Variants in KLRG1 observed in about 807,000 individuals in gnomAD.
KLRG1 encodes killer cell lectin like receptor G1, also known as killer cell lectin-like receptor subfamily G member 1.
KLRG1 carries 16 observed loss-of-function variants against 21.8 expected under a neutral mutation model. The ratio of observed to expected loss-of-function variants is 0.73; its 90% CI spans 0.50 to 1.11. The LOEUF is 1.11. KLRG1 is among the 50% of genes most tolerant of loss of function. The pLI is 0.00. For synonymous variants in KLRG1, 69 were observed against 75.9 expected, an observed-to-expected ratio of 0.91 and a Z score of 0.47; for missense variants, 173 against 218.3, an observed-to-expected ratio of 0.79 and a Z score of 1.31.
At chr12:9,204,090 G>T in the KLRG1 span, 2 of 887,624 alleles carry the variant, frequency 2.3e-6, no homozygotes, top group Middle Eastern at 3.5e-4. Flanking sequence ...GTCAATGGAG[G>T]TTCTGTCACA....
chr12:9,007,703 A>G (rs1947513379), intron 3 of KLRG1, among the ~76,000 whole-genome samples: 1 of 152,214 alleles, frequency 6.6e-6, no homozygotes, highest in South Asian at 2.1e-4. Flanking sequence ...AATAAAAACA[A>G]CATCAAAATG....
At chr12:9,039,380 C>T in the KLRG1 span, among the ~76,000 whole-genome samples, 653 of 152,340 alleles carry the variant, frequency 4.3e-3, 15 homozygotes, top group Admixed American at 0.037. Flanking sequence ...AAGTATTTTT[C>T]TCTAATAATT....
chr12:9,171,604 C>G, the KLRG1 span, among the ~76,000 whole-genome samples: 4 of 152,112 alleles, frequency 2.6e-5, no homozygotes, highest in African/African-American at 9.7e-5. Flanking sequence ...TAAAACAATA[C>G]AGGAGCTGGT....
the KLRG1 span, chr12:9,201,279 T>C: frequency 0.36 from 522,650 of 1,463,346 alleles, 95,075 homozygotes; most frequent in East Asian, 0.47. Flanking sequence ...AACCTCCTAC[T>C]CTCTAAAAGC....
chr12:9,179,196 C>T, the KLRG1 span, among the ~76,000 whole-genome samples: 1 of 152,068 alleles, frequency 6.6e-6, no homozygotes, highest in African/African-American at 2.4e-5. Flanking sequence ...GAACTTTTCC[C>T]TTCCTTCTGA....
At chr12:8,956,952 C>T (rs2137203260) in intron 1 of KLRG1, among the ~76,000 whole-genome samples, 1 of 152,244 alleles carries the variant, frequency 6.6e-6, no homozygotes, top group African/African-American at 2.4e-5. Context: ...AGATCTGGGC[C>T]AGTACCGCTA....
chr12:8,962,142 T>C (rs1946392434), intron 1 of KLRG1, among the ~76,000 whole-genome samples: 1 of 151,846 alleles, frequency 6.6e-6, no homozygotes, highest in African/African-American at 2.4e-5. Context: ...GAAAAAAAAT[T>C]AATAGAAAGA....
At chr12:9,138,999 C>A in the KLRG1 span, among the ~76,000 whole-genome samples, 1 of 151,446 alleles carries the variant, frequency 6.6e-6, no homozygotes, top group African/African-American at 2.4e-5. Flanking sequence ...CTTTTTCTAG[C>A]CTCTTGAAGT....
the KLRG1 span, chr12:9,150,545 G>C: frequency 5.1e-6 from 4 of 790,204 alleles, no homozygotes; most frequent in Non-Finnish European, 8.2e-6. Context: ...AGAAACAAAA[G>C]ATTAATGTTG....
the KLRG1 span, among the ~76,000 whole-genome samples, chr12:9,136,703 A>G: frequency 6.6e-6 from 1 of 151,930 alleles, no homozygotes; most frequent in African/African-American, 2.4e-5. Context: ...GTTGTCTTTT[A>G]TTTGATAATA....
chr12:9,200,905 G>A, the KLRG1 span: 80 of 1,611,744 alleles, frequency 5.0e-5, 2 homozygotes, highest in African/African-American at 8.3e-4. Flanking sequence ...ATTCCTCCAC[G>A]GTGAAGGGGT....
chr12:9,202,092 T>C, the KLRG1 span, among the ~76,000 whole-genome samples: 1 of 152,190 alleles, frequency 6.6e-6, no homozygotes, highest in South Asian at 2.1e-4. Context: ...GAGTAACAAA[T>C]GCAGCTATTG....
the KLRG1 span, among the ~76,000 whole-genome samples, chr12:9,144,662 G>A: frequency 1.3e-5 from 2 of 152,158 alleles, no homozygotes; most frequent in African/African-American, 4.8e-5. Context: ...GTATTTAAGG[G>A]TTTTAGGGTG....
At chr12:9,200,233 T>TA in the KLRG1 span, 1 of 533,256 alleles carries the variant, frequency 1.9e-6, no homozygotes, top group South Asian at 3.6e-5. Context: ...AGTAAGTCGT[T>TA]AAATAAAGAG....
the KLRG1 span, chr12:9,161,184 T>C: frequency 3.0e-6 from 4 of 1,324,652 alleles, no homozygotes; most frequent in Non-Finnish European, 4.2e-6. Flanking sequence ...GTGATTATAA[T>C]GTAGTGAGAG....
chr12:9,029,781 C>T, the KLRG1 span, among the ~76,000 whole-genome samples: 574 of 152,000 alleles, frequency 3.8e-3, 6 homozygotes, highest in African/African-American at 0.013. Flanking sequence ...TTATTTGAGA[C>T]AGTCTCACTC....
the KLRG1 span, among the ~76,000 whole-genome samples, chr12:9,050,271 CTG>C: frequency 3.8e-4 from 58 of 152,340 alleles, no homozygotes; most frequent in African/African-American, 1.4e-3. Flanking sequence ...ATAAGGATGA[CTG>C]TAATAATCTC....
the KLRG1 span, among the ~76,000 whole-genome samples, chr12:9,117,113 C>T: frequency 2.0e-5 from 3 of 151,942 alleles, no homozygotes; most frequent in Non-Finnish European, 4.4e-5. Context: ...CTAAGCATAA[C>T]GAATGACAGA....
chr12:9,004,928 A>T (rs1352283791), intron 3 of KLRG1, among the ~76,000 whole-genome samples: 1 of 152,162 alleles, frequency 6.6e-6, no homozygotes, highest in Non-Finnish European at 1.5e-5. Flanking sequence ...ACATTTTTTT[A>T]AATTGGCACA....
Sources: gnomAD v4.1 joint callset for allele counts (sites outside exome capture counted in the v4.1 genomes callset) on GRCh38, gnomAD v4.1.1 for gene constraint, MANE v1.5 for transcripts, NCBI Gene and HGNC (gene_info 2026-07-23, HGNC 2026-07-21) for gene names.